Variants in PPP1R9A observed in about 807,000 individuals in gnomAD.
PPP1R9A encodes protein phosphatase 1 regulatory subunit 9A.
In PPP1R9A, 59 loss-of-function variants were observed where a neutral mutation model predicts 141.9. The ratio of observed to expected loss-of-function variants is 0.42; its 90% CI spans 0.34 to 0.52. The LOEUF (loss-of-function observed/expected upper bound fraction) is 0.52, where lower values mean the gene tolerates loss of function less well. PPP1R9A is among the 20% of genes least tolerant of loss of function. The pLI is 0.10. For synonymous variants in PPP1R9A, 500 were observed against 569.7 expected, an observed-to-expected ratio of 0.88 and a Z score of 1.74; for missense variants, 1,444 against 1,611.9, an observed-to-expected ratio of 0.90 and a Z score of 1.78.
chr7:95,148,146 C>T (rs1563312436), intron 4 of PPP1R9A, among the ~76,000 whole-genome samples: 1 of 151,752 alleles, frequency 6.6e-6, no homozygotes, highest in Admixed American at 6.6e-5. Context: ...CATTAGGAAA[C>T]TATAAAAAGG....
chr7:94,987,377 A>G (rs1337524466), intron 2 of PPP1R9A, among the ~76,000 whole-genome samples: 1 of 152,222 alleles, frequency 6.6e-6, no homozygotes, highest in Non-Finnish European at 1.5e-5. Flanking sequence ...AGAAAACAGT[A>G]TCTTAACTAT....
intron 2 of PPP1R9A, among the ~76,000 whole-genome samples, chr7:95,056,023 G>A (rs1223164855): frequency 6.6e-6 from 1 of 151,936 alleles, no homozygotes; most frequent in East Asian, 1.9e-4. Context: ...ATATAAATAT[G>A]TTTCCATTAT....
intron 2 of PPP1R9A, among the ~76,000 whole-genome samples, chr7:94,934,270 G>A (rs1563012177): frequency 6.6e-6 from 1 of 152,130 alleles, no homozygotes; most frequent in Non-Finnish European, 1.5e-5. Context: ...CCCTGTATCA[G>A]ACTCACACTG....
At position 95,290,245 on chromosome 7, in the gene PPP1R9A, A is replaced by C. The variant is rs1395867590; in HGVS notation, c.4067A>C (p.Lys1356Thr). Residue 1356 changes from lysine (K) to threonine (T), a missense_variant, in exon 20 of 20, where the codon AAG becomes ACG. By Grantham distance (78) the Lys-to-Thr change is moderately conservative. Around this residue, in one of 5 missense-constraint regions of PPP1R9A, gnomAD observed 459 missense variants for 513.8 expected, o/e 0.89. Transcript: ENST00000433360. ...AAGGAGCAAGAGCAAATGCAGAGGA[A>C]GTCCAAAAAGACAGAAAAGATGACG... The part of the protein sequence containing the change: ...RRKEQEQMQR[K>T]SKKTEKMTST... 6.2e-7 allele frequency: 1 copy of C among 1,613,342 alleles called. No homozygotes were observed. Among genetic ancestry groups the C allele is most frequent in the Non-Finnish European group, 8.5e-7 (1 of 1,179,712 alleles).
intron 2 of PPP1R9A, among the ~76,000 whole-genome samples, chr7:94,937,251 T>G (rs964600430): frequency 6.6e-6 from 1 of 152,088 alleles, no homozygotes; most frequent in Non-Finnish European, 1.5e-5. Flanking sequence ...TCTCCTAAGC[T>G]CCCTGCAAAT....
At chr7:94,952,454 C>A (rs1796581928) in intron 2 of PPP1R9A, among the ~76,000 whole-genome samples, 1 of 152,086 alleles carries the variant, frequency 6.6e-6, no homozygotes, top group Non-Finnish European at 1.5e-5. Context: ...TTTATAATAT[C>A]CTTTGAGTAT....
chr7:95,258,347 C>T (rs1239706896), intron 12 of PPP1R9A, among the ~76,000 whole-genome samples: 1 of 152,124 alleles, frequency 6.6e-6, no homozygotes, highest in African/African-American at 2.4e-5. Flanking sequence ...ATCCTTCGCC[C>T]ACTTTTTGAT....
At chr7:95,023,211 G>T (rs1007875165) in intron 2 of PPP1R9A, among the ~76,000 whole-genome samples, 1 of 152,128 alleles carries the variant, frequency 6.6e-6, no homozygotes, top group African/African-American at 2.4e-5. Context: ...ACTTGGGAGG[G>T]TGTATGTGTC....
At chr7:95,263,740 T>A (rs1800814068) in intron 12 of PPP1R9A, among the ~76,000 whole-genome samples, 1 of 152,184 alleles carries the variant, frequency 6.6e-6, no homozygotes, top group South Asian at 2.1e-4. Flanking sequence ...TATGCAACTA[T>A]ATGCATATGT....
At chr7:94,983,373 A>G (rs1029690048) in intron 2 of PPP1R9A, among the ~76,000 whole-genome samples, 4 of 152,152 alleles carry the variant, frequency 2.6e-5, no homozygotes, top group Admixed American at 6.5e-5. Flanking sequence ...GAAGAAAGTC[A>G]TTGGTAGCTT....
At chr7:95,173,883 G>A in intron 5 of PPP1R9A, among the ~76,000 whole-genome samples, 1 of 152,030 alleles carries the variant, frequency 6.6e-6, no homozygotes, top group East Asian at 1.9e-4. Flanking sequence ...GCATTGATAA[G>A]CATATGGACT....
chr7:94,921,618 T>A (rs1036545283), intron 2 of PPP1R9A, among the ~76,000 whole-genome samples: 1 of 152,102 alleles, frequency 6.6e-6, no homozygotes, highest in Non-Finnish European at 1.5e-5. Context: ...AATTATTATT[T>A]TTTTAAATAA....
At chr7:95,158,168 CA>C (rs1454972902) in intron 4 of PPP1R9A, among the ~76,000 whole-genome samples, 9 of 152,028 alleles carry the variant, frequency 5.9e-5, no homozygotes, top group Admixed American at 5.9e-4. Flanking sequence ...CATGATGATG[CA>C]CATTTGAAAA....
intron 2 of PPP1R9A, among the ~76,000 whole-genome samples, chr7:95,037,857 C>T (rs1057497027): frequency 7.2e-5 from 11 of 151,788 alleles, no homozygotes; most frequent in Admixed American, 2.0e-4. Context: ...GTAATCCCAA[C>T]ACTTTGGGAG....
At chr7:95,128,384 T>C (rs1427752646) in intron 4 of PPP1R9A, among the ~76,000 whole-genome samples, 2 of 152,330 alleles carry the variant, frequency 1.3e-5, no homozygotes, top group African/African-American at 2.4e-5. Context: ...TGTTCAGTTG[T>C]TTAAGTTCTT....
At chr7:95,072,966 A>C (rs1023974602) in intron 2 of PPP1R9A, among the ~76,000 whole-genome samples, 39 of 131,404 alleles carry the variant, frequency 3.0e-4, no homozygotes, top group African/African-American at 1.0e-3. Flanking sequence ...AATATGTTAT[A>C]TATAATATAA....
intron 2 of PPP1R9A, among the ~76,000 whole-genome samples, chr7:95,061,618 C>G (rs1459902437): frequency 6.6e-6 from 1 of 152,092 alleles, no homozygotes; most frequent in African/African-American, 2.4e-5. Flanking sequence ...CACCCGTGGT[C>G]TCAGCTACTT....
At chr7:94,991,971 C>T (rs560129903) in intron 2 of PPP1R9A, among the ~76,000 whole-genome samples, 2 of 152,320 alleles carry the variant, frequency 1.3e-5, no homozygotes, top group African/African-American at 4.8e-5. Context: ...CACTCTTATT[C>T]AAAGTTTCTC....
chr7:95,087,375 A>G (rs559715004), intron 2 of PPP1R9A, among the ~76,000 whole-genome samples: 1 of 152,078 alleles, frequency 6.6e-6, no homozygotes, highest in Non-Finnish European at 1.5e-5. Context: ...ATTGTAGCTT[A>G]CTAGAAGTAT....
Sources: gnomAD v4.1 joint callset for allele counts (sites outside exome capture counted in the v4.1 genomes callset) on GRCh38, gnomAD v4.1.1 for gene constraint, gnomAD v4.1.1 regional missense constraint, MANE v1.5 for transcripts, NCBI Gene and HGNC (gene_info 2026-07-23, HGNC 2026-07-21) for gene names.